MYT1L: variants seen among roughly 807,000 people sequenced by gnomAD.
The protein encoded by MYT1L is myelin transcription factor 1 like.
A neutral mutation model predicts 126.7 loss-of-function variants in MYT1L; 12 were observed. The observed-to-expected ratio is 0.09, with a 90% CI of 0.06 to 0.15. The LOEUF (loss-of-function observed/expected upper bound fraction) is 0.15. MYT1L is among the 10% of genes least tolerant of loss of function. The pLI is 1.00. For synonymous variants in MYT1L, 541 were observed against 604.2 expected, an observed-to-expected ratio of 0.90 and a Z score of 1.53; for missense variants, 979 against 1,585.2, an observed-to-expected ratio of 0.62 and a Z score of 6.49.
rs571740090 is a variant in MYT1L at position 1,876,723 on chromosome 2, C to A, written c.2711+9816G>T. ...GGACTGGCCTCTAACTGCAAGACAT[C>A]GGGGAGATTTGAGAAGCAACGTCTC... On this transcript the variant is annotated intron_variant, in intron 18 of 24. Coordinates refer to ENST00000647738, the MANE Select transcript of MYT1L (RefSeq NM_001303052.2). Among the ~76,000 whole-genome samples, 13 of 152,304 alleles carry A rather than the reference C, an allele frequency of 8.5e-5. No homozygotes were observed. The South Asian group carries it at 1.5e-3, about 17-fold the overall frequency.
intron 19 of MYT1L, among the ~76,000 whole-genome samples, chr2:1,846,617 T>C (rs1224563595): frequency 2.0e-5 from 3 of 152,094 alleles, no homozygotes; most frequent in African/African-American, 7.2e-5. Flanking sequence ...GGGAGACATG[T>C]GGTCAAGGGC....
intron 3 of MYT1L, among the ~76,000 whole-genome samples, chr2:2,148,180 T>C (rs957715459): frequency 1.6e-4 from 24 of 152,192 alleles, no homozygotes; most frequent in Admixed American, 1.4e-3. Flanking sequence ...ATGATCTCTT[T>C]ACTAAAGGCA....
intron 21 of MYT1L, chr2:1,828,241 C>T (rs1304368490): frequency 6.6e-6 from 1 of 152,060 alleles, no homozygotes; most frequent in Non-Finnish European, 1.5e-5. Flanking sequence ...ACCATATTCC[C>T]AGCTTCCTGG....
At chr2:1,874,946 C>T (rs910011050) in intron 18 of MYT1L, among the ~76,000 whole-genome samples, 16 of 152,192 alleles carry the variant, frequency 1.1e-4, no homozygotes, top group South Asian at 4.1e-4. Context: ...GGTCACCTGG[C>T]GGCCCGTCTG....
intron 4 of MYT1L, among the ~76,000 whole-genome samples, chr2:2,027,587 T>C (rs1033538917): frequency 3.9e-5 from 6 of 152,204 alleles, no homozygotes; most frequent in African/African-American, 9.7e-5. Context: ...TAATGTATCA[T>C]AGAAATGCAA....
chr2:1,818,373 G>T (rs1306646191), intron 21 of MYT1L, among the ~76,000 whole-genome samples: 1 of 152,132 alleles, frequency 6.6e-6, no homozygotes, highest in Non-Finnish European at 1.5e-5. Flanking sequence ...ACAGCCAGGG[G>T]CAAACAGTTT....
intron 8 of MYT1L, among the ~76,000 whole-genome samples, chr2:1,965,181 C>T (rs1316100271): frequency 2.1e-5 from 3 of 145,432 alleles, no homozygotes; most frequent in African/African-American, 2.6e-5. Context: ...AGAGGAGGAC[C>T]CAGGCACTCT....
chr2:1,791,082 T>C lies in MYT1L; in HGVS notation c.*785A>G, dbSNP rs1405959492. On this transcript the variant is annotated 3_prime_UTR_variant, in exon 25 of 25. Coordinates refer to ENST00000647738, the MANE Select transcript of MYT1L (RefSeq NM_001303052.2). The surrounding 1 kb of genome is among the most constrained non-coding windows in gnomAD (Gnocchi z 6.0). Reference sequence around the variant, plus strand: ...ACTGGAGTTTCCATAGTCACAACCATGTAACGCTTAGGAGTTAATTTAAAA... The same window carrying C: ...ACTGGAGTTTCCATAGTCACAACCACGTAACGCTTAGGAGTTAATTTAAAA... The C allele has an allele frequency of 1.8e-5, 7 of 388,802 alleles. No homozygotes were observed. The highest frequency in any genetic ancestry group is 1.3e-4 in the South Asian group (6 of 47,992). The allele number at this position is 388,802 out of a possible 1,614,324, so 24.1% of individuals were successfully genotyped here. A position where few individuals can be genotyped will look rare whatever the true frequency, so the allele number is the denominator to read the frequency against.
At chr2:1,839,919 G>C (rs1443586746) in intron 20 of MYT1L, among the ~76,000 whole-genome samples, 25 of 152,194 alleles carry the variant, frequency 1.6e-4, no homozygotes, top group Non-Finnish European at 2.9e-5. Context: ...CTGGAATCGG[G>C]CTGACACAGG....
intron 4 of MYT1L, among the ~76,000 whole-genome samples, chr2:2,015,939 C>T (rs2064338835): frequency 6.6e-6 from 1 of 152,172 alleles, no homozygotes; most frequent in Non-Finnish European, 1.5e-5. Context: ...AGGAGGCTCG[C>T]TGCAATCATG....
intron 18 of MYT1L, among the ~76,000 whole-genome samples, chr2:1,882,650 A>G (rs2148805496): frequency 6.6e-6 from 1 of 152,294 alleles, no homozygotes. Flanking sequence ...AAAGCAAAAG[A>G]TTACCGAAAT....
intron 18 of MYT1L, among the ~76,000 whole-genome samples, chr2:1,855,892 G>GA (rs1469122715): frequency 6.6e-6 from 1 of 151,944 alleles, no homozygotes; most frequent in Non-Finnish European, 1.5e-5. Flanking sequence ...AAGAATTGAA[G>GA]AAAAAATAAC....
intron 8 of MYT1L, among the ~76,000 whole-genome samples, chr2:1,956,110 C>T (rs1472443670): frequency 6.6e-6 from 1 of 152,042 alleles, no homozygotes. Context: ...CTACCTATGA[C>T]TTATCTACAT....
chr2:2,113,368 C>T (rs922889638), intron 3 of MYT1L, among the ~76,000 whole-genome samples: 1 of 152,202 alleles, frequency 6.6e-6, no homozygotes, highest in South Asian at 2.1e-4. Flanking sequence ...CAGGGCTCCT[C>T]CACAACACAG....
At chr2:2,135,987 G>T (rs1347832461) in intron 3 of MYT1L, among the ~76,000 whole-genome samples, 1 of 152,178 alleles carries the variant, frequency 6.6e-6, no homozygotes, top group Non-Finnish European at 1.5e-5. Context: ...ATGTTCATCA[G>T]TGATAGACTG....
intron 8 of MYT1L, among the ~76,000 whole-genome samples, chr2:1,967,557 C>A (rs908654229): frequency 2.0e-5 from 3 of 152,238 alleles, no homozygotes; most frequent in Non-Finnish European, 4.4e-5. Context: ...AGAAGCTTCT[C>A]TGCCAAAACC....
At chr2:2,080,233 T>C (rs2075671893) in intron 3 of MYT1L, among the ~76,000 whole-genome samples, 2 of 152,052 alleles carry the variant, frequency 1.3e-5, no homozygotes, top group Admixed American at 1.3e-4. Flanking sequence ...GAAAACCTAT[T>C]AGTAAGTCTT....
intron 1 of MYT1L, among the ~76,000 whole-genome samples, chr2:2,306,792 A>C (rs1215293535): frequency 3.3e-5 from 5 of 152,192 alleles, no homozygotes; most frequent in African/African-American, 1.2e-4. Context: ...CTGAGAACCA[A>C]CTATGTCCAA....
chr2:1,797,880 A>C (rs2033945533), intron 23 of MYT1L, among the ~76,000 whole-genome samples: 3 of 133,612 alleles, frequency 2.2e-5, no homozygotes, highest in Admixed American at 7.5e-5. Context: ...CCCATCCGGC[A>C]CAGGCGCGGC....
Sources: gnomAD v4.1 joint callset for allele counts (sites outside exome capture counted in the v4.1 genomes callset) on GRCh38, gnomAD v4.1.1 for gene constraint, Gnocchi (gnomAD v3.1) non-coding constraint, MANE v1.5 for transcripts, NCBI Gene and HGNC (gene_info 2026-07-23, HGNC 2026-07-21) for gene names.